The following HCN1 variants were observed in gnomAD, a reference collection of about 807,000 sequenced individuals.
HCN1 encodes the protein hyperpolarization activated cyclic nucleotide gated potassium channel 1, also known as potassium/sodium hyperpolarization-activated cyclic nucleotide-gated channel 1.
Under a neutral mutation model 78.9 loss-of-function variants are expected in HCN1, and 13 were observed. That is an observed-to-expected ratio of 0.16 (90% CI 0.11 to 0.26). The LOEUF (loss-of-function observed/expected upper bound fraction) is 0.26. Ranked by LOEUF, HCN1 falls within the 10% of genes least tolerant of loss-of-function variation. The pLI is 1.00. For missense variants in HCN1, 810 were observed against 1,154.3 expected, an observed-to-expected ratio of 0.70 and a Z score of 4.32; for synonymous variants, 552 against 455.5, an observed-to-expected ratio of 1.21 and a Z score of -2.70.
At chr5:45,405,963 A>T (rs2112050627) in intron 3 of HCN1, among the ~76,000 whole-genome samples, 1 of 152,260 alleles carries the variant, frequency 6.6e-6, no homozygotes, top group African/African-American at 2.4e-5. Context: ...AAAATACAAA[A>T]TTTGCATTAA....
chr5:45,305,468 CAA>C (rs1322451898), intron 5 of HCN1, among the ~76,000 whole-genome samples: 1 of 151,978 alleles, frequency 6.6e-6, no homozygotes, highest in African/African-American at 2.4e-5. Flanking sequence ...GCAGCAAAGA[CAA>C]GAGAAAGATA....
intron 4 of HCN1, among the ~76,000 whole-genome samples, chr5:45,376,880 A>T (rs1199323438): frequency 1.3e-5 from 2 of 152,016 alleles, no homozygotes; most frequent in African/African-American, 2.4e-5. Flanking sequence ...ATGATTTCTT[A>T]GAAGATTTCA....
At chr5:45,640,858 GAAAAAAA>G (rs61584654) in intron 2 of HCN1, among the ~76,000 whole-genome samples, 1 of 82,276 alleles carries the variant, frequency 1.2e-5, no homozygotes, top group Non-Finnish European at 2.7e-5. Context: ...AGGAGTGATA[GAAAAAAA>G]AAAAAAAAAG....
At chr5:45,277,874 G>C (rs915719098) in intron 6 of HCN1, among the ~76,000 whole-genome samples, 2 of 152,092 alleles carry the variant, frequency 1.3e-5, no homozygotes, top group Admixed American at 1.3e-4. Flanking sequence ...AGAATGAATA[G>C]CTAGAATAAT....
chr5:45,535,887 G>T (rs994291870), intron 2 of HCN1, among the ~76,000 whole-genome samples: 1 of 152,044 alleles, frequency 6.6e-6, no homozygotes, highest in Non-Finnish European at 1.5e-5. Context: ...TGTAACAAGG[G>T]TCTCTTAATG....
chr5:45,603,386 T>G (rs1744663785), intron 2 of HCN1, among the ~76,000 whole-genome samples: 1 of 152,076 alleles, frequency 6.6e-6, no homozygotes, highest in Non-Finnish European at 1.5e-5. Context: ...AATGCTGCTA[T>G]CTAGTGATAA....
chr5:45,494,959 A>C (rs1741991415), intron 2 of HCN1, among the ~76,000 whole-genome samples: 2 of 146,006 alleles, frequency 1.4e-5, no homozygotes, highest in South Asian at 4.5e-4. Context: ...ATTGATCTAT[A>C]TCTCTGTTTT....
intron 4 of HCN1, among the ~76,000 whole-genome samples, chr5:45,376,900 A>C (rs1172678890): frequency 6.6e-6 from 1 of 152,008 alleles, no homozygotes; most frequent in East Asian, 1.9e-4. Context: ...AGGTAATTCT[A>C]ATGTTCAGCC....
chr5:45,516,094 A>G (rs1227937139), intron 2 of HCN1, among the ~76,000 whole-genome samples: 1 of 151,930 alleles, frequency 6.6e-6, no homozygotes, highest in East Asian at 1.9e-4. Context: ...TATCTCAACC[A>G]GTGTTATTGT....
At chr5:45,464,064 G>A (rs1741220800) in intron 2 of HCN1, among the ~76,000 whole-genome samples, 1 of 152,048 alleles carries the variant, frequency 6.6e-6, no homozygotes, top group Non-Finnish European at 1.5e-5. Flanking sequence ...TCGATTCTTG[G>A]TAGATCTGAC....
intron 6 of HCN1, among the ~76,000 whole-genome samples, chr5:45,268,885 G>A (rs1010914660): frequency 1.3e-5 from 2 of 152,094 alleles, no homozygotes; most frequent in African/African-American, 2.4e-5. Flanking sequence ...ATATAAACAA[G>A]GTAATTAAAA....
intron 2 of HCN1, among the ~76,000 whole-genome samples, chr5:45,541,731 C>A (rs369127728): frequency 5.9e-5 from 9 of 152,122 alleles, no homozygotes; most frequent in Admixed American, 3.9e-4. Context: ...ACTGATGTAT[C>A]TTTTCTTCTT....
rs1334057456 is a variant in HCN1 at position 45,260,672 on chromosome 5, A to G, written c.*1249T>C. On this transcript the variant is annotated 3_prime_UTR_variant, in exon 8 of 8. Coordinates refer to ENST00000303230, the MANE Select transcript of HCN1 (RefSeq NM_021072.4). ...ATTACCAGCTACAGTGAAGACACAG[A>G]CAACACTTAACTCCAAATCAAGCTG... 6.6e-6 allele frequency: 1 copy of G among 152,640 alleles called. No individual in the cohort carries two copies. Among genetic ancestry groups the G allele is most frequent in the East Asian group, 1.9e-4 (1 of 5,194 alleles). The allele number at this position is 152,640 out of a possible 1,614,324, so 9.5% of individuals were successfully genotyped here.
chr5:45,652,707 T>G (rs1464216308), intron 1 of HCN1, among the ~76,000 whole-genome samples: 1 of 151,998 alleles, frequency 6.6e-6, no homozygotes, highest in Admixed American at 6.6e-5. Context: ...CTAATTAATC[T>G]TCTAGTCTCA....
intron 5 of HCN1, 137 bp from the exon 6 acceptor site, chr5:45,303,976 T>C: frequency 6.2e-6 from 5 of 804,460 alleles, no homozygotes; most frequent in Non-Finnish European, 1.0e-5. Flanking sequence ...ATTCTAGTAA[T>C]GCGCATCATA....
At chr5:45,523,662 T>A (rs2111785429) in intron 2 of HCN1, among the ~76,000 whole-genome samples, 1 of 152,280 alleles carries the variant, frequency 6.6e-6, no homozygotes, top group Admixed American at 6.5e-5. Flanking sequence ...TGTCTTCTTT[T>A]GAGAGGTGTC....
chr5:45,296,963 C>T (rs905984146), intron 6 of HCN1, among the ~76,000 whole-genome samples: 4 of 151,978 alleles, frequency 2.6e-5, no homozygotes, highest in Non-Finnish European at 5.9e-5. Context: ...GAGACCAGCT[C>T]GGTCAGGGAA....
intron 4 of HCN1, among the ~76,000 whole-genome samples, chr5:45,364,367 C>T (rs1747190305): frequency 6.6e-6 from 1 of 151,904 alleles, no homozygotes; most frequent in Admixed American, 6.6e-5. Context: ...AACATCTACC[C>T]TTACAACATG....
chr5:45,549,631 G>A (rs1743316959), intron 2 of HCN1, among the ~76,000 whole-genome samples: 1 of 152,080 alleles, frequency 6.6e-6, no homozygotes, highest in Non-Finnish European at 1.5e-5. Flanking sequence ...GGCAACAAAA[G>A]CCAAAATTGA....
Sources: gnomAD v4.1 joint callset for allele counts (sites outside exome capture counted in the v4.1 genomes callset) on GRCh38, gnomAD v4.1.1 for gene constraint, MANE v1.5 for transcripts, NCBI Gene and HGNC (gene_info 2026-07-23, HGNC 2026-07-21) for gene names.